The following TP63 variants were observed in gnomAD, a reference collection of about 807,000 sequenced individuals.
TP63 encodes the protein tumor protein p63.
Under a neutral mutation model 82.8 loss-of-function variants are expected in TP63, and 17 were observed. The ratio of observed to expected loss-of-function variants is 0.21; its 90% CI spans 0.14 to 0.31. The LOEUF is 0.31. Ranked by LOEUF, TP63 falls within the 10% of genes least tolerant of loss-of-function variation. TP63 has a pLI of 1.00. For missense variants in TP63, 648 were observed against 895.3 expected, an observed-to-expected ratio of 0.72 and a Z score of 3.52; for synonymous variants, 330 against 321.7, an observed-to-expected ratio of 1.03 and a Z score of -0.28.
intron 4 of TP63, among the ~76,000 whole-genome samples, chr3:189,840,132 T>C (rs933969649): frequency 7.9e-5 from 12 of 152,184 alleles, no homozygotes; most frequent in African/African-American, 2.9e-4. Flanking sequence ...AGTCTTATTT[T>C]TTACATCTGT....
At chr3:189,736,553 A>G (rs960223853) in intron 1 of TP63, among the ~76,000 whole-genome samples, 1 of 152,132 alleles carries the variant, frequency 6.6e-6, no homozygotes, top group East Asian at 1.9e-4. Context: ...CATTTACTGT[A>G]GGTTTGTTTT....
intron 10 of TP63, among the ~76,000 whole-genome samples, chr3:189,874,828 A>G (rs1344761226): frequency 3.9e-5 from 6 of 152,138 alleles, no homozygotes; most frequent in African/African-American, 1.2e-4. Flanking sequence ...AGGGATATCT[A>G]CCTTTCCTAA....
At chr3:189,782,821 G>A (rs1724329311) in intron 3 of TP63, among the ~76,000 whole-genome samples, 1 of 151,904 alleles carries the variant, frequency 6.6e-6, no homozygotes, top group African/African-American at 2.4e-5. Context: ...GCAATAGGAG[G>A]AACTTAATTT....
At position 189,797,412 on chromosome 3, in the gene TP63, G is replaced by A. The variant is rs925797500; in HGVS notation, c.325-10860G>A. On this transcript the variant is annotated intron_variant, in intron 3 of 13. Coordinates refer to ENST00000264731, the MANE Select transcript of TP63 (RefSeq NM_003722.5). ...ATTTTCTTTTTCCTTTTAAGCTTGCGCAAAACACCCAAAGGGGCCATTTCC... is the reference window on the plus strand; with the variant it reads ...ATTTTCTTTTTCCTTTTAAGCTTGCACAAAACACCCAAAGGGGCCATTTCC... Among the ~76,000 whole-genome samples the A allele has an allele frequency of 4.6e-5, 7 of 151,932 alleles. 1 individual carries two copies. Among genetic ancestry groups the A allele is most frequent in the South Asian group, 4.2e-4 (2 of 4,814 alleles).
chr3:189,856,887 A>G (rs1455667194), intron 4 of TP63, among the ~76,000 whole-genome samples: 2 of 152,112 alleles, frequency 1.3e-5, no homozygotes, highest in African/African-American at 4.8e-5. Context: ...CTCTGTTTAA[A>G]TGGAGAGATA....
chr3:189,646,779 A>G lies in TP63; in HGVS notation c.62+15202A>G, dbSNP rs760868444. Reference sequence around the variant, plus strand: ...AAATAAAAGTGAGAAAAGCAAATAAATCTGGTTTGAGGCTACACGTAGTTG... The same window carrying G: ...AAATAAAAGTGAGAAAAGCAAATAAGTCTGGTTTGAGGCTACACGTAGTTG... On this transcript the variant is annotated intron_variant, in intron 1 of 13. Transcript: ENST00000264731. Among the ~76,000 whole-genome samples, 5 of 147,396 alleles carry G rather than the reference A, an allele frequency of 3.4e-5. 1 individual carries two copies. The highest frequency in any genetic ancestry group is 1.0e-4 in the African/African-American group (4 of 39,370).
intron 3 of TP63, among the ~76,000 whole-genome samples, chr3:189,777,564 A>T (rs919017256): frequency 6.6e-6 from 1 of 151,618 alleles, no homozygotes; most frequent in Non-Finnish European, 1.5e-5. Flanking sequence ...TCTTAATTAG[A>T]TTCCTAAATG....
At chr3:189,665,509 A>G (rs1714304464) in intron 1 of TP63, among the ~76,000 whole-genome samples, 1 of 152,072 alleles carries the variant, frequency 6.6e-6, no homozygotes, top group Non-Finnish European at 1.5e-5. Flanking sequence ...AGTGAATGTA[A>G]TATTTGATGT....
intron 6 of TP63, among the ~76,000 whole-genome samples, chr3:189,867,394 G>T (rs1483470470): frequency 6.6e-6 from 1 of 152,132 alleles, no homozygotes; most frequent in Non-Finnish European, 1.5e-5. Flanking sequence ...AACATTTTGA[G>T]CTCTAAGATG....
the TP63 span, among the ~76,000 whole-genome samples, chr3:189,605,333 A>T: frequency 6.6e-6 from 1 of 152,220 alleles, no homozygotes; most frequent in South Asian, 2.1e-4. Flanking sequence ...TGCTTTTGTC[A>T]AGGATCTCTG....
rs6790068 is a variant in TP63, at chr3:189,889,837, A to C, written c.1652+353A>C. 2.4e-3 allele frequency among the ~76,000 whole-genome samples: 359 copies of C among 152,108 alleles called. 1 individual carries two copies. Among genetic ancestry groups the C allele is most frequent in the African/African-American group, 8.2e-3 (339 of 41,500 alleles). ...TTTCCAAAAGGGCAATAAACTTGCT[A>C]TCTCGCTCCTTTTCCTCTCTCTCTA... On this transcript the variant is annotated intron_variant, in intron 12 of 13. Transcript: ENST00000264731.
At chr3:189,675,649 T>C (rs1481809151) in intron 1 of TP63, among the ~76,000 whole-genome samples, 1 of 152,152 alleles carries the variant, frequency 6.6e-6, no homozygotes. Context: ...CCTGAATCAA[T>C]GTTGACTCAT....
intron 4 of TP63, among the ~76,000 whole-genome samples, chr3:189,839,509 A>G (rs2108735711): frequency 6.6e-6 from 1 of 152,282 alleles, no homozygotes; most frequent in Non-Finnish European, 1.5e-5. Flanking sequence ...TTTTTATTTC[A>G]ATCTCCCTCC....
intron 3 of TP63, among the ~76,000 whole-genome samples, chr3:189,774,112 C>T (rs543046627): frequency 5.3e-5 from 8 of 151,810 alleles, no homozygotes; most frequent in East Asian, 3.9e-4. Flanking sequence ...TTAGTAGAGA[C>T]GGGGTTTCAC....
intron 1 of TP63, among the ~76,000 whole-genome samples, chr3:189,658,589 C>G (rs948306140): frequency 3.0e-4 from 46 of 152,024 alleles, no homozygotes; most frequent in African/African-American, 1.1e-3. Context: ...TTTTAAAAAT[C>G]CATAACGCTA....
intron 3 of TP63, among the ~76,000 whole-genome samples, chr3:189,792,977 T>C (rs1725313595): frequency 6.6e-6 from 1 of 152,190 alleles, no homozygotes; most frequent in East Asian, 1.9e-4. Flanking sequence ...TGATAGTTAA[T>C]AAATGTATTA....
intron 3 of TP63, among the ~76,000 whole-genome samples, chr3:189,774,705 A>G (rs1231713477): frequency 6.6e-6 from 1 of 152,226 alleles, no homozygotes; most frequent in African/African-American, 2.4e-5. Flanking sequence ...TTGTAAAAAT[A>G]GAGTTTCCAA....
At chr3:189,890,082 G>A (rs1720859665) in intron 12 of TP63, among the ~76,000 whole-genome samples, 1 of 152,196 alleles carries the variant, frequency 6.6e-6, no homozygotes. Context: ...GGCAAGAGTA[G>A]GTTCCCAGAT....
chr3:189,789,273 A>G (rs2108590984), intron 3 of TP63, among the ~76,000 whole-genome samples: 1 of 152,210 alleles, frequency 6.6e-6, no homozygotes, highest in South Asian at 2.1e-4. Context: ...ATTTTAAAAA[A>G]GAAGCCTTCT....
Sources: allele counts gnomAD v4.1 joint callset (sites outside exome capture counted in the v4.1 genomes callset), GRCh38; gene constraint gnomAD v4.1.1; transcripts MANE v1.5; gene names NCBI Gene and HGNC (gene_info 2026-07-23, HGNC 2026-07-21).